MATN2: variants seen among roughly 807,000 people sequenced by gnomAD.
The protein encoded by MATN2 is matrilin-2.
MATN2 carries 69 observed loss-of-function variants against 103.2 expected under a neutral mutation model. That is an observed-to-expected ratio of 0.67 (90% CI 0.55 to 0.82). MATN2 has a LOEUF of 0.82. Ranked by LOEUF, MATN2 falls within the 40% of genes least tolerant of loss-of-function variation. The pLI is 0.00. For missense variants in MATN2, 1,023 were observed against 1,211.5 expected (o/e 0.84, Z 2.31); for synonymous variants, 429 against 450.2 (o/e 0.95, Z 0.60).
At chr8:97,897,870 A>C (rs1818863267) in intron 2 of MATN2, among the ~76,000 whole-genome samples, 1 of 152,230 alleles carries the variant, frequency 6.6e-6, no homozygotes. Flanking sequence ...AAGAATCCAA[A>C]AAGCACAGCG....
chr8:98,003,666 A>G lies in MATN2; in HGVS notation c.1210A>G (p.Asn404Asp), dbSNP rs1259932737. 2 of 1,613,660 alleles carry G rather than the reference A, an allele frequency of 1.2e-6. No individual in the cohort carries two copies. Among genetic ancestry groups the G allele is most frequent in the East Asian group, 2.2e-5 (1 of 44,858 alleles). The part of the protein sequence containing the change: ...NPDKKTCRRI[N>D]YCALNKPGCE... ...TCTGCCCTTCTTCCCCTCAGGGATCAACTACTGTGCACTGAACAAACCGGG... is the reference window on the plus strand; with the variant it reads ...TCTGCCCTTCTTCCCCTCAGGGATCGACTACTGTGCACTGAACAAACCGGG... Residue 404 changes from asparagine to aspartate, a missense_variant, in exon 8 of 19, where the codon AAC becomes GAC. Transcript: ENST00000254898.
At chr8:97,958,769 G>C (rs978240428) in intron 4 of MATN2, among the ~76,000 whole-genome samples, 2 of 152,172 alleles carry the variant, frequency 1.3e-5, no homozygotes, top group African/African-American at 2.4e-5. Flanking sequence ...GGGTGAAATT[G>C]CTGGTCTCCC....
chr8:98,032,954 G>T, intron 16 of MATN2, 88 bp from the exon 17 acceptor site: 1 of 1,299,962 alleles, frequency 7.7e-7, no homozygotes, highest in East Asian at 2.5e-5. Flanking sequence ...CCAAGTGCTA[G>T]GAATACCAAG....
intron 8 of MATN2, chr8:98,003,990 A>C: frequency 1.8e-6 from 1 of 566,476 alleles, no homozygotes; most frequent in Non-Finnish European, 3.1e-6. Flanking sequence ...CAAGGATTAA[A>C]AGAATTAATA....
chr8:97,911,236 G>A (rs1408367636), intron 2 of MATN2, among the ~76,000 whole-genome samples: 10 of 151,524 alleles, frequency 6.6e-5, no homozygotes, highest in East Asian at 2.0e-4. Context: ...CCAGTGATCC[G>A]CCCGCCTCAG....
intron 13 of MATN2, among the ~76,000 whole-genome samples, chr8:98,026,323 A>C (rs1214783256): frequency 6.6e-6 from 1 of 151,362 alleles, no homozygotes; most frequent in East Asian, 1.9e-4. Flanking sequence ...GCAGCGGCAC[A>C]ATCATAGCTT....
intron 7 of MATN2, 100 bp downstream of exon 7, chr8:97,994,702 C>T: frequency 7.7e-7 from 1 of 1,302,664 alleles, no homozygotes; most frequent in Non-Finnish European, 1.1e-6. Context: ...TGCTTGTATT[C>T]AGCATTGTGT....
intron 2 of MATN2, among the ~76,000 whole-genome samples, chr8:97,911,163 T>TTTG (rs1809416407): frequency 1.3e-5 from 2 of 149,206 alleles, no homozygotes; most frequent in African/African-American, 4.9e-5. Flanking sequence ...TAATTTTTTT[T>TTTG]TGTATTTTCG....
chr8:97,883,833 C>T (rs552361504), intron 1 of MATN2, among the ~76,000 whole-genome samples: 4 of 152,202 alleles, frequency 2.6e-5, no homozygotes, highest in East Asian at 1.9e-4. Flanking sequence ...GGATTACAGG[C>T]GTGAGCCACT....
At chr8:98,030,416 G>GA (rs1258170043) in intron 14 of MATN2, 46 bp from the exon 15 acceptor site, 3 of 1,556,568 alleles carry the variant, frequency 1.9e-6, no homozygotes, top group East Asian at 4.6e-5. Context: ...CAGCCCCTGG[G>GA]AACACAACTC....
intron 4 of MATN2, among the ~76,000 whole-genome samples, chr8:97,942,306 C>A (rs1222704303): frequency 1.3e-5 from 2 of 152,234 alleles, no homozygotes; most frequent in African/African-American, 4.8e-5. Context: ...GAGTTGTTAA[C>A]CTCGGCTGGG....
chr8:98,027,242 A>G lies in MATN2; in HGVS notation c.1943-174A>G, dbSNP rs1270031730. ...CAAGCCAACCATAAAAGTATACGTG[A>G]AAATTATTGTTGCTTGTGGCCCTCC... On this transcript the variant is annotated intron_variant, in intron 13 of 18. Coordinates refer to ENST00000254898, the MANE Select transcript of MATN2 (RefSeq NM_002380.5). Among the ~76,000 whole-genome samples, 3 of 152,146 alleles carry G rather than the reference A, an allele frequency of 2.0e-5. No individual in the cohort carries two copies. In the East Asian group the frequency reaches 5.8e-4, roughly 29 times the overall value.
chr8:97,910,748 C>G (rs187893163), intron 2 of MATN2, among the ~76,000 whole-genome samples: 71 of 152,282 alleles, frequency 4.7e-4, no homozygotes, highest in Admixed American at 2.8e-3. Context: ...ATGGCTCCAC[C>G]AGTTACTAAC....
chr8:97,904,347 T>C (rs1819091731), intron 2 of MATN2, among the ~76,000 whole-genome samples: 1 of 152,264 alleles, frequency 6.6e-6, no homozygotes, highest in Non-Finnish European at 1.5e-5. Flanking sequence ...TCCTTGAATG[T>C]TAGCCATTTG....
chr8:97,895,618 C>G (rs1818783340), intron 2 of MATN2, among the ~76,000 whole-genome samples: 1 of 152,176 alleles, frequency 6.6e-6, no homozygotes, highest in South Asian at 2.1e-4. Flanking sequence ...CACATTTTAG[C>G]TATTTTTGCA....
At position 98,007,079 on chromosome 8, in the gene MATN2, A is replaced by G. The variant is rs759058458; in HGVS notation, c.1328-26A>G. ...GGGGTATTGCCCCCTCGGCTCCTCT[A>G]TGCTTTCGCGTGTGTGAAAATGCAG... On this transcript the variant is annotated intron_variant, in intron 8 of 18. Coordinates refer to ENST00000254898, the MANE Select transcript of MATN2 (RefSeq NM_002380.5). The surrounding 1 kb of genome is among the most constrained non-coding windows in gnomAD (Gnocchi z 4.2). 1.2e-5 allele frequency: 19 copies of G among 1,587,450 alleles called. No homozygotes were observed. The highest frequency in any genetic ancestry group is 6.8e-5 in the South Asian group (6 of 87,730).
chr8:98,003,247 G>A (rs1225493401), intron 7 of MATN2, among the ~76,000 whole-genome samples: 1 of 152,026 alleles, frequency 6.6e-6, no homozygotes, highest in South Asian at 2.1e-4. Flanking sequence ...TGCTGTCCTC[G>A]AGTCCTCATG....
chr8:97,909,403 A>G (rs1048908787), intron 2 of MATN2, among the ~76,000 whole-genome samples: 1 of 152,208 alleles, frequency 6.6e-6, no homozygotes, highest in African/African-American at 2.4e-5. Flanking sequence ...TTAGCATACC[A>G]TGGGGCCAAG....
chr8:97,972,096 T>G (rs566524637), intron 5 of MATN2, among the ~76,000 whole-genome samples: 16 of 151,610 alleles, frequency 1.1e-4, no homozygotes, highest in Non-Finnish European at 2.4e-4. Context: ...TTCAGGAGGC[T>G]GAGGTGGGAG....
Sources: allele counts gnomAD v4.1 joint callset (sites outside exome capture counted in the v4.1 genomes callset), GRCh38; gene constraint gnomAD v4.1.1; non-coding constraint Gnocchi (gnomAD v3.1); transcripts MANE v1.5; gene names NCBI Gene and HGNC (gene_info 2026-07-23, HGNC 2026-07-21).